KDM4C: variants seen among roughly 807,000 people sequenced by gnomAD.
KDM4C encodes the protein lysine-specific demethylase 4C.
KDM4C carries 81 observed loss-of-function variants against 129.3 expected under a neutral mutation model. The observed-to-expected ratio is 0.63, with a 90% CI of 0.52 to 0.75. KDM4C has a LOEUF of 0.75. Ranked by LOEUF, KDM4C falls within the 30% of genes least tolerant of loss-of-function variation. KDM4C has a pLI of 0.00. For missense variants in KDM4C, 1,457 were observed against 1,304.0 expected (o/e 1.12, Z -1.81); for synonymous variants, 573 against 456.1 (o/e 1.26, Z -3.26).
intron 8 of KDM4C, among the ~76,000 whole-genome samples, chr9:6,898,125 A>G (rs1264626165): frequency 6.6e-6 from 1 of 152,224 alleles, no homozygotes; most frequent in African/African-American, 2.4e-5. Context: ...TTTGTTTGCC[A>G]CTGCATTCAT....
At chr9:6,737,749 A>C (rs1399933468) in intron 1 of KDM4C, among the ~76,000 whole-genome samples, 14 of 152,102 alleles carry the variant, frequency 9.2e-5, no homozygotes, top group Non-Finnish European at 1.9e-4. Flanking sequence ...AACATGAAAA[A>C]ATGTTCAACA....
intron 19 of KDM4C, among the ~76,000 whole-genome samples, chr9:7,133,358 C>G (rs542726210): frequency 6.6e-6 from 1 of 152,202 alleles, no homozygotes; most frequent in East Asian, 1.9e-4. Flanking sequence ...TTTGCTGGGT[C>G]CATTTATCAT....
intron 3 of KDM4C, among the ~76,000 whole-genome samples, chr9:6,809,166 T>C (rs1295669719): frequency 6.6e-6 from 1 of 152,228 alleles, no homozygotes; most frequent in African/African-American, 2.4e-5. Flanking sequence ...ATTTTATATT[T>C]GATATAATTT....
At chr9:6,814,991 T>C (rs762513047) in intron 4 of KDM4C, 6 of 318,800 alleles carry the variant, frequency 1.9e-5, no homozygotes, top group Non-Finnish European at 3.4e-5. Flanking sequence ...GGCTGATCTT[T>C]TCATTACATT....
At chr9:6,956,110 T>TG (rs931004213) in intron 8 of KDM4C, among the ~76,000 whole-genome samples, 1 of 151,712 alleles carries the variant, frequency 6.6e-6, no homozygotes, top group African/African-American at 2.4e-5. Flanking sequence ...GGAGGGTAGT[T>TG]GGGGGTGGTG....
At chr9:6,784,867 G>C (rs17593759) in intron 1 of KDM4C, among the ~76,000 whole-genome samples, 38,235 of 152,140 alleles carry the variant, frequency 0.25, 5,136 homozygotes, top group Non-Finnish European at 0.29. Context: ...GGGTAGATGT[G>C]CTAACGATTA....
At chr9:6,860,859 T>G (rs1262147677) in intron 5 of KDM4C, among the ~76,000 whole-genome samples, 1 of 152,244 alleles carries the variant, frequency 6.6e-6, no homozygotes, top group Non-Finnish European at 1.5e-5. Context: ...TCTGGGCTCC[T>G]TGCTTAAAAT....
At chr9:7,145,455 T>C (rs1290814322) in intron 19 of KDM4C, among the ~76,000 whole-genome samples, 2 of 152,158 alleles carry the variant, frequency 1.3e-5, no homozygotes, top group Admixed American at 6.5e-5. Flanking sequence ...CCCTCTCACC[T>C]CATCCCTTAA....
rs147352994 is a variant in KDM4C at position 6,727,481 on chromosome 9, G to C, written c.49+6484G>C. On this transcript the variant is annotated intron_variant, in intron 1 of 17. Transcript: ENST00000536108. Reference sequence around the variant, plus strand: ...AATAAATAAATAAAAGGAAAGGCCGGCGCGGTGGCTCATGCCTGTAGTCCC... The same window carrying C: ...AATAAATAAATAAAAGGAAAGGCCGCCGCGGTGGCTCATGCCTGTAGTCCC... 2.7e-3 allele frequency: 395 copies of C among 148,578 alleles called. 1 individual carries two copies. Among genetic ancestry groups the C allele is most frequent in the Non-Finnish European group, 4.7e-3 (317 of 67,744 alleles). The allele number at this position is 148,578 out of a possible 1,614,324, so 9.2% of individuals were successfully genotyped here.
intron 15 of KDM4C, among the ~76,000 whole-genome samples, chr9:7,017,021 G>A (rs532891984): frequency 6.6e-5 from 10 of 151,820 alleles, no homozygotes; most frequent in East Asian, 2.0e-4. Flanking sequence ...CCACAGTCTC[G>A]AACTCCTGGG....
intron 2 of KDM4C, among the ~76,000 whole-genome samples, chr9:6,804,269 A>G (rs1301321694): frequency 5.3e-5 from 8 of 152,220 alleles, no homozygotes; most frequent in African/African-American, 1.7e-4. Context: ...GAGAGTTGAT[A>G]GTGCACATCT....
intron 12 of KDM4C, among the ~76,000 whole-genome samples, chr9:7,002,038 A>C (rs762913012): frequency 6.6e-6 from 1 of 152,070 alleles, no homozygotes; most frequent in Non-Finnish European, 1.5e-5. Flanking sequence ...GACTACAGGC[A>C]CGTACCACCA....
chr9:6,958,687 A>ATTTT lies in KDM4C; in HGVS notation c.922-22226_922-22223dup, dbSNP rs377187050. On this transcript the variant is annotated intron_variant, in intron 8 of 21. Coordinates refer to ENST00000381309, the MANE Select transcript of KDM4C (RefSeq NM_015061.6). ...AATACATTATGCCTTTCTTTATATG[A>ATTTT]TTTTTTTTTTTTTTTGGGACAGGGT... Among the ~76,000 whole-genome samples, 917 of 136,304 alleles carry ATTTT rather than the reference A, an allele frequency of 6.7e-3. 13 individuals carry two copies. Among genetic ancestry groups the ATTTT allele is most frequent in the East Asian group, 0.019 (90 of 4,782 alleles). The allele number at this position is 136,304 out of a possible 152,430, so 89.4% of individuals were successfully genotyped here.
chr9:7,125,847 C>T (rs996661378), intron 18 of KDM4C, among the ~76,000 whole-genome samples: 61 of 152,096 alleles, frequency 4.0e-4, no homozygotes, highest in African/African-American at 1.5e-3. Flanking sequence ...GGTCAGAGCT[C>T]ATGACATCAA....
chr9:7,155,550 C>T (rs539384323), intron 19 of KDM4C, among the ~76,000 whole-genome samples: 2 of 152,128 alleles, frequency 1.3e-5, no homozygotes, highest in South Asian at 2.1e-4. Flanking sequence ...ATGTTCCCTG[C>T]CCTGTGTCCG....
chr9:7,141,526 A>G (rs976608820), intron 19 of KDM4C, among the ~76,000 whole-genome samples: 1 of 152,188 alleles, frequency 6.6e-6, no homozygotes, highest in Non-Finnish European at 1.5e-5. Flanking sequence ...GTACCAGGTG[A>G]TGGATTGATA....
At chr9:7,033,081 T>G (rs1350399369) in intron 15 of KDM4C, among the ~76,000 whole-genome samples, 1 of 152,074 alleles carries the variant, frequency 6.6e-6, no homozygotes, top group Non-Finnish European at 1.5e-5. Flanking sequence ...GAGATCAGAT[T>G]GGCTTATGGC....
intron 8 of KDM4C, among the ~76,000 whole-genome samples, chr9:6,946,958 A>G (rs1827084175): frequency 6.6e-6 from 1 of 152,166 alleles, no homozygotes; most frequent in Non-Finnish European, 1.5e-5. Context: ...CAGATCCCAA[A>G]TATTCCAGCA....
rs769620896 is a variant in KDM4C at position 6,893,238 on chromosome 9, C to T, written c.921+6C>T. On this transcript the variant is annotated splice_donor_region_variant and intron_variant, in intron 8 of 21. Coordinates refer to ENST00000381309, the MANE Select transcript of KDM4C (RefSeq NM_015061.6). Reference sequence around the variant, plus strand: ...ATGGAAAAGTTGCCAAATTGGTAAGCTATGCCTCAAAAATAAAGCAAAAAT... The same window carrying T: ...ATGGAAAAGTTGCCAAATTGGTAAGTTATGCCTCAAAAATAAAGCAAAAAT... 5 of 1,602,070 alleles carry T rather than the reference C, an allele frequency of 3.1e-6. No individual in the cohort carries two copies. The South Asian group carries it at 5.6e-5, about 18-fold the overall frequency.
Sources: gnomAD v4.1 joint callset for allele counts (sites outside exome capture counted in the v4.1 genomes callset) on GRCh38, gnomAD v4.1.1 for gene constraint, MANE v1.5 for transcripts, NCBI Gene and HGNC (gene_info 2026-07-23, HGNC 2026-07-21) for gene names.